PITX3: variants seen among roughly 807,000 people sequenced by gnomAD.
PITX3 encodes paired like homeodomain 3.
PITX3 carries 4 observed loss-of-function variants against 14.2 expected under a neutral mutation model. The observed-to-expected ratio is 0.28, with a 90% CI of 0.14 to 0.65. The LOEUF is 0.65. PITX3 is among the 30% of genes least tolerant of loss of function. PITX3 has a pLI of 0.82. For synonymous variants in PITX3, 194 were observed against 204.5 expected (o/e 0.95, Z 0.44); for missense variants, 358 against 426.8 (o/e 0.84, Z 1.42).
intron 1 of PITX3, among the ~76,000 whole-genome samples, chr10:102,240,907 G>C (rs1394112445): frequency 6.6e-6 from 1 of 152,202 alleles, no homozygotes; most frequent in East Asian, 1.9e-4. Context: ...CCTAGGCCGA[G>C]GGGCATCGGG....
chr10:102,240,602 C>G (rs555075664), intron 1 of PITX3, among the ~76,000 whole-genome samples: 1 of 152,232 alleles, frequency 6.6e-6, no homozygotes, highest in African/African-American at 2.4e-5. Context: ...AGACACAACT[C>G]CCGCTCCGGA....
At chr10:102,234,532 G>T (rs1364109483) in intron 1 of PITX3, among the ~76,000 whole-genome samples, 23 of 152,178 alleles carry the variant, frequency 1.5e-4, no homozygotes, top group Non-Finnish European at 4.4e-5. Context: ...TCTGATGGAA[G>T]GGAGATGTCC....
intron 1 of PITX3, among the ~76,000 whole-genome samples, chr10:102,233,959 G>A (rs995198056): frequency 6.6e-6 from 1 of 152,182 alleles, no homozygotes; most frequent in Non-Finnish European, 1.5e-5. Flanking sequence ...CAATACTGGG[G>A]CTCAAGACTC....
At position 102,231,769 on chromosome 10, in the gene PITX3, G is replaced by A. The variant is rs2070246752; in HGVS notation, c.140C>T (p.Ser47Leu). 2 of 1,604,756 alleles carry A rather than the reference G, an allele frequency of 1.2e-6. No homozygotes were observed. Among genetic ancestry groups the A allele is most frequent in the African/African-American group, 1.3e-5 (1 of 74,862 alleles). ...GTCCTCTGGGGAGCCGCCGGGCAGC[G>A]AAGCCGAGGCCTTTTCTGAGTCTGG... Reference protein sequence around the residue: ...EHSDSEKASASLPGGSPEDGS... With the variant: ...EHSDSEKASALLPGGSPEDGS... The change falls in exon 3 of 4, where the codon TCG becomes TTG. Residue 47 changes from serine (S) to leucine (L), a missense_variant. Around this residue, in one of 3 missense-constraint regions of PITX3, gnomAD observed 72 missense variants for 79.9 expected, o/e 0.90. Transcript: ENST00000370002.
At chr10:102,240,238 C>T (rs1032696337) in intron 1 of PITX3, among the ~76,000 whole-genome samples, 1 of 152,224 alleles carries the variant, frequency 6.6e-6, no homozygotes, top group South Asian at 2.1e-4. Context: ...TTTCCCATTG[C>T]CTTTTGTCAC....
chr10:102,230,483 G>T lies in PITX3; in HGVS notation c.*31C>A. ...GCGGAGGCTGTGAATCGTTGCCCCC[G>T]CCCTCGGGGATGATCTACGGGCGGG... On this transcript the variant is annotated 3_prime_UTR_variant, in exon 4 of 4. Transcript: ENST00000370002. 6.3e-7 allele frequency: 1 copy of T among 1,588,832 alleles called. No individual in the cohort carries two copies. Among genetic ancestry groups the T allele is most frequent in the Non-Finnish European group, 8.6e-7 (1 of 1,167,894 alleles).
intron 1 of PITX3, among the ~76,000 whole-genome samples, chr10:102,236,819 A>T (rs733283): frequency 0.67 from 102,391 of 152,044 alleles, 35,135 homozygotes; most frequent in African/African-American, 0.81. Context: ...AACCTTTCTC[A>T]TTCAGGGGCT....
At chr10:102,232,170 C>G in intron 1 of PITX3, 78 bp from the exon 2 acceptor site, 2 of 802,150 alleles carry the variant, frequency 2.5e-6, no homozygotes, top group Non-Finnish European at 4.2e-6. Flanking sequence ...AGCGTTTCCT[C>G]GTAAATTCCC....
chr10:102,235,653 T>C (rs1169069851), intron 1 of PITX3, among the ~76,000 whole-genome samples: 1 of 152,208 alleles, frequency 6.6e-6, no homozygotes, highest in African/African-American at 2.4e-5. Flanking sequence ...AACAAATGTT[T>C]ATTTAGCACA....
rs1378736201 is a variant in PITX3, at chr10:102,235,179, A to AC, written c.-12-3088dup. Reference sequence around the variant, plus strand: ...CATTATTACCCTTCCCCCACCCCCCACCCCCCCACCGCCTCCCTGGCCCCT... The same window carrying AC: ...CATTATTACCCTTCCCCCACCCCCCACCCCCCCCACCGCCTCCCTGGCCCCT... On this transcript the variant is annotated intron_variant, in intron 1 of 3. Transcript: ENST00000370002. Among the ~76,000 whole-genome samples, 24 of 97,396 alleles carry AC rather than the reference A, an allele frequency of 2.5e-4. 2 individuals are homozygous for AC. Among genetic ancestry groups the AC allele is most frequent in the Middle Eastern group, 4.8e-3 (1 of 208 alleles). The allele number at this position is 97,396 out of a possible 152,430, so 63.9% of individuals were successfully genotyped here.
chr10:102,241,365 C>T lies in PITX3; in HGVS notation c.-45G>A. On this transcript the variant is annotated 5_prime_UTR_variant, in exon 1 of 4. Coordinates refer to ENST00000370002, the MANE Select transcript of PITX3 (RefSeq NM_005029.4). This position sits in a 1 kb window ranked among gnomAD's most constrained non-coding sequence, Gnocchi z 6.7. ...CCTGCAACAGGCAGACTCCCAGTAG[C>T]GGCGGCTGCGGCGGCGATCTAGAGG... is the stretch of plus-strand genomic sequence containing the variant. 1 of 152,926 alleles carries T rather than the reference C, an allele frequency of 6.5e-6. No individual in the cohort carries two copies. Among genetic ancestry groups the T allele is most frequent in the Non-Finnish European group, 1.5e-5 (1 of 68,550 alleles). The allele number at this position is 152,926 out of a possible 1,614,324, so 9.5% of individuals were successfully genotyped here.
At chr10:102,240,205 G>T (rs998463563) in intron 1 of PITX3, among the ~76,000 whole-genome samples, 2 of 152,228 alleles carry the variant, frequency 1.3e-5, no homozygotes, top group Non-Finnish European at 2.9e-5. Flanking sequence ...GCTGCCAGGG[G>T]CTTGTACCCA....
Position 102,231,772 on chromosome 10 carries a change from G to T in PITX3, c.137C>A (p.Ala46Asp). The T allele has an allele frequency of 3.7e-6, 6 of 1,604,732 alleles. No homozygotes were observed. Among genetic ancestry groups the T allele is most frequent in the Non-Finnish European group, 5.1e-6 (6 of 1,177,674 alleles). Residue 46 changes from alanine to aspartate, a missense_variant, in exon 3 of 4, where the codon GCT becomes GAT. Physicochemically the swap from Ala to Asp is moderately radical, Grantham distance 126. Coordinates refer to ENST00000370002, the MANE Select transcript of PITX3 (RefSeq NM_005029.4). ...CTCTGGGGAGCCGCCGGGCAGCGAA[G>T]CCGAGGCCTTTTCTGAGTCTGGGGG... ...QEHSDSEKAS[A>D]SLPGGSPEDG...
At chr10:102,234,362 T>C (rs1425638501) in intron 1 of PITX3, among the ~76,000 whole-genome samples, 4 of 152,170 alleles carry the variant, frequency 2.6e-5, no homozygotes, top group African/African-American at 9.7e-5. Context: ...CAGAGGGGTC[T>C]AGATCTTGGA....
Position 102,231,071 on chromosome 10 carries a change from G to T in PITX3, c.352C>A (p.Arg118=). 6.4e-7 allele frequency: 1 copy of T among 1,564,712 alleles called. No individual in the cohort carries two copies. The change falls in exon 4 of 4, where the codon CGG becomes AGG. Residue 118 remains arginine (R), a synonymous_variant. Transcript: ENST00000370002. ...GCCTGCTGGCTGCGCTCGCGCTTCC[G>T]CCATTTGGCGCGCCGGTTCTTGAAC... The part of the protein sequence containing the change: ...VWFKNRRAKW[R]KRERSQQAEL...
rs762054588 is a variant in PITX3, at chr10:102,230,660, C to A, written c.763G>T (p.Val255Phe). The change falls in exon 4 of 4, where the codon GTC (valine) becomes TTC (phenylalanine). Residue 255 changes from valine to phenylalanine, a missense_variant. By Grantham distance (50) the Val-to-Phe change is conservative. This residue lies in a region of PITX3 where 236 missense variants were observed against 250.2 expected (regional missense o/e 0.94). Transcript: ENST00000370002. ...CTCGAGTTACACGGGTCCCGATAGA[C>A]GTAGGGGGAAGAGGCGGCAGCCGCG... ...AAAAAASSPY[V>F]YRDPCNSSLA... is the part of the protein sequence containing the mutation. 4.4e-6 allele frequency: 7 copies of A among 1,597,198 alleles called. No homozygotes were observed. In the Admixed American group the frequency reaches 1.2e-4, roughly 28 times the overall value.
intron 1 of PITX3, among the ~76,000 whole-genome samples, chr10:102,238,000 A>C (rs1036671808): frequency 2.6e-5 from 4 of 152,176 alleles, no homozygotes; most frequent in Non-Finnish European, 4.4e-5. Context: ...CATGGTGAGC[A>C]TAAAGGGTTG....
intron 1 of PITX3, among the ~76,000 whole-genome samples, chr10:102,236,285 G>A (rs2070391953): frequency 6.6e-6 from 1 of 152,238 alleles, no homozygotes; most frequent in South Asian, 2.1e-4. Flanking sequence ...AGAACAAGCA[G>A]TAGGTCTGGA....
intron 1 of PITX3, among the ~76,000 whole-genome samples, chr10:102,239,693 C>T (rs1464768457): frequency 6.6e-6 from 1 of 152,236 alleles, no homozygotes; most frequent in Non-Finnish European, 1.5e-5. Context: ...CAATGCCTTG[C>T]ACTTGTCCTT....
Sources: gnomAD v4.1 joint callset for allele counts (sites outside exome capture counted in the v4.1 genomes callset) on GRCh38, gnomAD v4.1.1 for gene constraint, gnomAD v4.1.1 regional missense constraint, Gnocchi (gnomAD v3.1) non-coding constraint, MANE v1.5 for transcripts, NCBI Gene and HGNC (gene_info 2026-07-23, HGNC 2026-07-21) for gene names.